Variants in PARL observed in about 807,000 individuals in gnomAD.
PARL encodes the protein presenilin-associated rhomboid-like protein, mitochondrial.
A neutral mutation model predicts 51.6 loss-of-function variants in PARL; 44 were observed. That is an observed-to-expected ratio of 0.85 (90% CI 0.67 to 1.10). The LOEUF (loss-of-function observed/expected upper bound fraction) is 1.10, where lower values mean the gene tolerates loss of function less well. Ranked by LOEUF, PARL falls within the 50% of genes least tolerant of loss-of-function variation. The pLI is 0.00. For missense variants in PARL, 441 were observed against 469.5 expected, an observed-to-expected ratio of 0.94 and a Z score of 0.56; for synonymous variants, 172 against 164.0, an observed-to-expected ratio of 1.05 and a Z score of -0.37.
chr3:183,880,731 A>G (rs1434574745), intron 1 of PARL, among the ~76,000 whole-genome samples: 1 of 151,902 alleles, frequency 6.6e-6, no homozygotes, highest in African/African-American at 2.4e-5. Context: ...ATACAATCCT[A>G]TAACTTTTAA....
At chr3:183,849,178 C>T (rs1344068070) in intron 4 of PARL, among the ~76,000 whole-genome samples, 7 of 152,088 alleles carry the variant, frequency 4.6e-5, no homozygotes, top group Admixed American at 1.3e-4. Flanking sequence ...CTCTATAAAA[C>T]GACTAGACCT....
At chr3:183,875,714 T>C (rs1235629485) in intron 1 of PARL, among the ~76,000 whole-genome samples, 1 of 152,192 alleles carries the variant, frequency 6.6e-6, no homozygotes, top group Non-Finnish European at 1.5e-5. Context: ...CAGCAACTTA[T>C]CAAGAAGATC....
chr3:183,847,889 T>C (rs57533647), intron 4 of PARL, among the ~76,000 whole-genome samples: 3,216 of 152,272 alleles, frequency 0.021, 97 homozygotes, highest in African/African-American at 0.074. Context: ...CTTTGAGAAA[T>C]AGAAGAGCTT....
chr3:183,832,540 TA>T (rs977714539), intron 9 of PARL, among the ~76,000 whole-genome samples: 83 of 146,342 alleles, frequency 5.7e-4, no homozygotes, highest in African/African-American at 1.9e-3. Context: ...TTCTTTTTAA[TA>T]AAAAAAAAAA....
At chr3:183,828,981 C>T (rs1291158097), downstream of PARL, among the ~76,000 whole-genome samples, 2 of 152,162 alleles carry the variant, frequency 1.3e-5, no homozygotes, top group Non-Finnish European at 2.9e-5. Context: ...AGATAAAATT[C>T]GGCTCAGATT....
At chr3:183,829,089 C>T (rs536775981), downstream of PARL, among the ~76,000 whole-genome samples, 7 of 152,292 alleles carry the variant, frequency 4.6e-5, no homozygotes, top group African/African-American at 1.7e-4. Flanking sequence ...TTGTATATGC[C>T]ACTCACTGCC....
At chr3:183,868,180 A>T (rs1285883028) in intron 1 of PARL, 120 bp from the exon 2 acceptor site, 2 of 750,788 alleles carry the variant, frequency 2.7e-6, no homozygotes, top group Non-Finnish European at 4.6e-6. Context: ...ACAGTCCAAA[A>T]ACAGCCAAGA....
intron 1 of PARL, among the ~76,000 whole-genome samples, chr3:183,877,159 A>C (rs1381426546): frequency 1.3e-5 from 2 of 152,338 alleles, no homozygotes; most frequent in African/African-American, 4.8e-5. Context: ...GGTTGCAGTG[A>C]GCCAAGATCG....
chr3:183,843,671 A>C (rs1259210955), intron 5 of PARL, among the ~76,000 whole-genome samples: 1 of 152,186 alleles, frequency 6.6e-6, no homozygotes, highest in Non-Finnish European at 1.5e-5. Context: ...TCTACTAAAA[A>C]TACAAAAAAA....
intron 1 of PARL, among the ~76,000 whole-genome samples, chr3:183,876,610 T>TAAAAAAAAAAAAAAAA (rs576376716): frequency 1.1e-3 from 101 of 91,750 alleles, no homozygotes; most frequent in Non-Finnish European, 1.6e-3. Flanking sequence ...ATACATTTTG[T>TAAAAAAAAAAAAAAAA]AAAAAAAAAA....
chr3:183,837,840 A>T (rs1728815725), intron 7 of PARL, among the ~76,000 whole-genome samples: 1 of 152,182 alleles, frequency 6.6e-6, no homozygotes, highest in Non-Finnish European at 1.5e-5. Context: ...GGCCGGGTGT[A>T]GTGGCTCACA....
At chr3:183,836,292 T>C (rs1374869102) in intron 7 of PARL, among the ~76,000 whole-genome samples, 3 of 151,670 alleles carry the variant, frequency 2.0e-5, no homozygotes, top group African/African-American at 7.3e-5. Context: ...ATGATTATTC[T>C]CCATCTGTTA....
At chr3:183,864,991 A>G (rs1216854683) in intron 3 of PARL, among the ~76,000 whole-genome samples, 2 of 148,354 alleles carry the variant, frequency 1.3e-5, no homozygotes, top group Non-Finnish European at 3.0e-5. Context: ...TGTAAATATC[A>G]TGTCACTGAG....
At position 183,829,450 on chromosome 3, in the gene PARL, C is replaced by A; in HGVS notation, c.*148G>T. ...TATCATCATTCACATTCTAAAAAGA[C>A]ACGGACTGGGGGACACAGCTGAAAA... On this transcript the variant is annotated 3_prime_UTR_variant, in exon 10 of 10. Coordinates refer to ENST00000317096, the MANE Select transcript of PARL (RefSeq NM_018622.7). 1 of 1,593,388 alleles carries A rather than the reference C, an allele frequency of 6.3e-7. No homozygotes were observed. Among genetic ancestry groups the A allele is most frequent in the Non-Finnish European group, 8.5e-7 (1 of 1,170,584 alleles).
At chr3:183,854,725 T>A in intron 4 of PARL, among the ~76,000 whole-genome samples, 1 of 149,660 alleles carries the variant, frequency 6.7e-6, no homozygotes. Flanking sequence ...GATGGTATAT[T>A]TCATGTTTTT....
intron 1 of PARL, among the ~76,000 whole-genome samples, chr3:183,872,931 A>C (rs2108693884): frequency 6.6e-6 from 1 of 152,318 alleles, no homozygotes. Flanking sequence ...CACTGAGCAA[A>C]GACACTAGCC....
intron 4 of PARL, among the ~76,000 whole-genome samples, chr3:183,853,758 A>C (rs1730817928): frequency 6.6e-6 from 1 of 152,212 alleles, no homozygotes; most frequent in Non-Finnish European, 1.5e-5. Flanking sequence ...GCTACTGTCA[A>C]ACACCTACAC....
At position 183,829,576 on chromosome 3, in the gene PARL, C is replaced by T. The variant is rs988790999; in HGVS notation, c.*22G>A. On this transcript the variant is annotated 3_prime_UTR_variant, in exon 10 of 10. Transcript: ENST00000317096. ...TCTCAGGCGGCAAGGACCAGATGCA[C>T]CACTACTGTCCAATCCCAGTTTTAC... is the stretch of plus-strand genomic sequence containing the variant. 1 of 1,614,178 alleles carries T rather than the reference C, an allele frequency of 6.2e-7. No individual in the cohort carries two copies. The highest frequency in any genetic ancestry group is 8.5e-7 in the Non-Finnish European group (1 of 1,180,040).
chr3:183,847,281 G>T (rs542858014), intron 4 of PARL, among the ~76,000 whole-genome samples: 2 of 152,188 alleles, frequency 1.3e-5, no homozygotes, highest in African/African-American at 4.8e-5. Context: ...TGAACGGGCC[G>T]GGTGTGGTGG....
Sources: allele counts gnomAD v4.1 joint callset (sites outside exome capture counted in the v4.1 genomes callset), GRCh38; gene constraint gnomAD v4.1.1; transcripts MANE v1.5; gene names NCBI Gene and HGNC (gene_info 2026-07-23, HGNC 2026-07-21).